The following STOML1 variants were observed in gnomAD, a reference collection of about 807,000 sequenced individuals.
The protein encoded by STOML1 is stomatin-like protein 1.
In STOML1, 27 loss-of-function variants were observed where a neutral mutation model predicts 35.7. The ratio of observed to expected loss-of-function variants is 0.76; its 90% CI spans 0.56 to 1.04. The LOEUF (loss-of-function observed/expected upper bound fraction) is 1.04. Among genes scored for constraint, STOML1 ranks in the 50% least tolerant of loss-of-function variants. STOML1 has a pLI of 0.00. For missense variants in STOML1, 451 were observed against 527.1 expected (o/e 0.86, Z 1.41); for synonymous variants, 219 against 227.9 (o/e 0.96, Z 0.35).
chr15:73,990,174 G>GC, intron 2 of STOML1, 177 bp downstream of exon 2: 1 of 621,526 alleles, frequency 1.6e-6, no homozygotes, highest in Non-Finnish European at 2.8e-6. Context: ...CTTTAGACAA[G>GC]CCCAAGCCTT....
rs749535560 is a variant in STOML1 at position 73,992,271 on chromosome 15, T to C, written c.-48A>G. The C allele has an allele frequency of 3.8e-6, 6 of 1,560,406 alleles. No individual in the cohort carries two copies. Among genetic ancestry groups the C allele is most frequent in the Admixed American group, 4.0e-5 (2 of 49,688 alleles). ...CCGCGCCTCCGCGCGGCGCCCTCCC[T>C]GGCCAGTGGGCCCTACGCGGCCCCG... On this transcript the variant is annotated 5_prime_UTR_variant, in exon 1 of 7. Coordinates refer to ENST00000541638, the MANE Select transcript of STOML1 (RefSeq NM_004809.5).
rs1238668381 is a variant in STOML1, at chr15:73,981,705, G to A, written c.*2232C>T. 1 of 152,218 alleles carries A rather than the reference G, an allele frequency of 6.6e-6. No homozygotes were observed. Among genetic ancestry groups the A allele is most frequent in the South Asian group, 2.1e-4 (1 of 4,826 alleles). 9.4% of individuals were successfully genotyped at this position (152,218 alleles called of 1,614,324 possible). Reference sequence around the variant, plus strand: ...CCACCTACTTGGTAGCTGGGATGTGGAGGACATCACCTCCTCAGGAAAGCC... The same window carrying A: ...CCACCTACTTGGTAGCTGGGATGTGAAGGACATCACCTCCTCAGGAAAGCC... On this transcript the variant is annotated 3_prime_UTR_variant, in exon 7 of 7. Transcript: ENST00000541638.
chr15:73,991,995 C>T, intron 1 of STOML1, 96 bp downstream of exon 1: 1 of 1,442,762 alleles, frequency 6.9e-7, no homozygotes, highest in South Asian at 1.4e-5. Flanking sequence ...TAGGGTGCGA[C>T]GGCACCGGGC....
intron 1 of STOML1, chr15:73,990,894 T>A (rs2069253551): frequency 6.5e-7 from 1 of 1,534,628 alleles, no homozygotes; most frequent in Non-Finnish European, 8.7e-7. Context: ...TCCTATACCA[T>A]CAGCCCCAGA....
At chr15:73,984,203 G>A (rs2141662236) in intron 6 of STOML1, 73 bp from the exon 7 acceptor site, 3 of 1,479,190 alleles carry the variant, frequency 2.0e-6, no homozygotes, top group Middle Eastern at 3.5e-4. Context: ...GGGGTGGGAG[G>A]GGCTGGTATT....
In STOML1 at chr15:73,992,115, GC is replaced by G; in HGVS notation, c.108del (p.Glu36AspfsTer44). The G allele has an allele frequency of 6.2e-7, 1 of 1,601,514 alleles. No individual in the cohort carries two copies. Among genetic ancestry groups the G allele is most frequent in the Non-Finnish European group, 8.5e-7 (1 of 1,175,336 alleles). ...LGSQKGCLSPERGGVGTGADV... is the reference protein window; with the variant it reads ...LGSQKGCLSPXRGGVGTGADV... ...CCGGCCCCTGTCCCCACGCCGCCCC[GC>G]TCCGGGGACAAGCAGCCCTTCTGCG... On this transcript the variant is annotated frameshift_variant, in exon 1 of 7. Transcript: ENST00000541638. LOFTEE classifies it high-confidence loss of function.
intron 1 of STOML1, chr15:73,990,841 C>T (rs1315612426): frequency 3.3e-6 from 5 of 1,535,580 alleles, no homozygotes; most frequent in Admixed American, 2.0e-5. Context: ...AGCACCTGGG[C>T]ATCTGTAAAC....
intron 5 of STOML1, 125 bp from the exon 6 acceptor site, chr15:73,984,996 C>G (rs2069045134): frequency 9.0e-7 from 1 of 1,114,884 alleles, no homozygotes; most frequent in Non-Finnish European, 1.3e-6. Flanking sequence ...CCCTTCAGGC[C>G]TCTGTTCAAC....
chr15:73,992,082 G>A lies in STOML1; in HGVS notation c.133+9C>T. ...CCCCCCGGCTCCGCCGTGCCAGGCGGCCACTCACCGGCCCCTGTCCCCACG... is the reference window on the plus strand; with the variant it reads ...CCCCCCGGCTCCGCCGTGCCAGGCGACCACTCACCGGCCCCTGTCCCCACG... On this transcript the variant is annotated intron_variant, in intron 1 of 6. Transcript: ENST00000541638. 1 of 1,573,722 alleles carries A rather than the reference G, an allele frequency of 6.4e-7. No individual in the cohort carries two copies. Among genetic ancestry groups the A allele is most frequent in the Non-Finnish European group, 8.6e-7 (1 of 1,162,228 alleles).
chr15:73,981,185 A>C lies in STOML1; in HGVS notation c.*2752T>G, dbSNP rs2068955989. 6.6e-6 allele frequency: 1 copy of C among 152,266 alleles called. No individual in the cohort carries two copies. 9.4% of individuals were successfully genotyped at this position (152,266 alleles called of 1,614,324 possible). The stretch of plus-strand genomic sequence containing the variant: ...AGCCTGGTCAACATGGTGAAATCCC[A>C]TCTCTACTAAAAATACAAAAATTAA... On this transcript the variant is annotated 3_prime_UTR_variant, in exon 7 of 7. Coordinates refer to ENST00000541638, the MANE Select transcript of STOML1 (RefSeq NM_004809.5).
At chr15:73,989,005 C>A in intron 3 of STOML1, 103 bp downstream of exon 3, 1 of 1,502,388 alleles carries the variant, frequency 6.7e-7, no homozygotes. Flanking sequence ...CTTCTTCCCC[C>A]TTCCCCCCTC....
At chr15:73,984,265 T>A in intron 6 of STOML1, 135 bp from the exon 7 acceptor site, 1 of 920,172 alleles carries the variant, frequency 1.1e-6, no homozygotes. Flanking sequence ...ATACCCTGGG[T>A]TTGAGTCTTA....
chr15:73,986,618 C>G (rs1397240546), intron 4 of STOML1: 3 of 151,966 alleles, frequency 2.0e-5, no homozygotes, highest in Non-Finnish European at 4.4e-5. Flanking sequence ...GGAGGAAGTA[C>G]AGGGGGTTCT....
At chr15:73,985,546 T>C (rs1356621143) in intron 4 of STOML1, 33 bp from the exon 5 acceptor site, 1 of 1,533,196 alleles carries the variant, frequency 6.5e-7, no homozygotes, top group Non-Finnish European at 8.8e-7. Flanking sequence ...ATGTAATTAA[T>C]TCAACAAACC....
At chr15:73,994,565 A>G, upstream of STOML1, 1 of 573,852 alleles carries the variant, frequency 1.7e-6, no homozygotes, top group Middle Eastern at 4.7e-4. Flanking sequence ...AGTCAGCGGT[A>G]GGTCTGCAGC....
intron 2 of STOML1, among the ~76,000 whole-genome samples, chr15:73,989,712 T>G (rs1261342358): frequency 6.6e-6 from 1 of 152,150 alleles, no homozygotes; most frequent in African/African-American, 2.4e-5. Flanking sequence ...AATTGAGAAA[T>G]GAAGGCCCAG....
chr15:73,993,046 G>C (rs927248021), upstream of STOML1, among the ~76,000 whole-genome samples: 1 of 152,222 alleles, frequency 6.6e-6, no homozygotes, highest in African/African-American at 2.4e-5. Flanking sequence ...CGTGATCAAG[G>C]TGGAGTAGGA....
chr15:73,989,011 C>T, intron 3 of STOML1, 97 bp downstream of exon 3: 2 of 1,505,674 alleles, frequency 1.3e-6, no homozygotes, highest in East Asian at 2.3e-5. Flanking sequence ...CCCCCTTCCC[C>T]CCTCAGATGG....
Position 73,980,955 on chromosome 15 carries a change from G to A in STOML1, c.*2982C>T, listed in dbSNP as rs988057386. On this transcript the variant is annotated 3_prime_UTR_variant, in exon 7 of 7. Coordinates refer to ENST00000541638, the MANE Select transcript of STOML1 (RefSeq NM_004809.5). ...CCAGCTACTCAGGAAGCTGAGGCAA[G>A]AGGATCGTTTGAGCCCCAGAGTTCA... 12 of 152,228 alleles carry A rather than the reference G, an allele frequency of 7.9e-5. No homozygotes were observed. Among genetic ancestry groups the A allele is most frequent in the African/African-American group, 2.9e-4 (12 of 41,432 alleles). 9.4% of individuals were successfully genotyped at this position (152,228 alleles called of 1,614,324 possible). A position where few individuals can be genotyped will look rare whatever the true frequency, so the allele number is the denominator to read the frequency against.
Sources: allele counts gnomAD v4.1 joint callset (sites outside exome capture counted in the v4.1 genomes callset), GRCh38; gene constraint gnomAD v4.1.1; transcripts MANE v1.5; gene names NCBI Gene and HGNC (gene_info 2026-07-23, HGNC 2026-07-21).